The following PTPRM variants were observed in gnomAD, a reference collection of about 807,000 sequenced individuals.
PTPRM encodes protein tyrosine phosphatase receptor type M.
A neutral mutation model predicts 186.7 loss-of-function variants in PTPRM; 47 were observed. The observed-to-expected ratio is 0.25, with a 90% confidence interval of 0.20 to 0.32. The LOEUF (loss-of-function observed/expected upper bound fraction) is 0.32. PTPRM is among the 10% of genes least tolerant of loss of function. PTPRM has a pLI of 1.00. For missense variants in PTPRM, 1,494 were observed against 1,865.0 expected (o/e 0.80, Z 3.66); for synonymous variants, 668 against 674.9 (o/e 0.99, Z 0.16).
chr18:8,157,872 C>A (rs577483610), intron 14 of PTPRM, among the ~76,000 whole-genome samples: 1 of 152,308 alleles, frequency 6.6e-6, no homozygotes, highest in East Asian at 1.9e-4. Context: ...GGTCTGCCAC[C>A]TGGGGTGGGA....
Position 7,876,655 on chromosome 18 carries a change from C to G in PTPRM, c.197-11451C>G, listed in dbSNP as rs994492449. ...TGTCCTCCAGCAGTCTAGCCTGGACCTGCCCCCGTGGTAGTGAGCATGTTC... is the reference window on the plus strand; with the variant it reads ...TGTCCTCCAGCAGTCTAGCCTGGACGTGCCCCCGTGGTAGTGAGCATGTTC... On this transcript the variant is annotated intron_variant, in intron 2 of 32. Transcript: ENST00000580170. Among the ~76,000 whole-genome samples, 5 of 152,316 alleles carry G rather than the reference C, an allele frequency of 3.3e-5. No individual in the cohort carries two copies. In the South Asian group the frequency reaches 8.3e-4, roughly 25 times the overall value.
At chr18:7,839,775 C>T (rs1009173711) in intron 2 of PTPRM, among the ~76,000 whole-genome samples, 5 of 152,154 alleles carry the variant, frequency 3.3e-5, no homozygotes, top group Admixed American at 3.3e-4. Flanking sequence ...CTACGAGTTC[C>T]AGTCCTTGTG....
chr18:8,240,499 G>GAGGAAGGA (rs1300777583), intron 14 of PTPRM, among the ~76,000 whole-genome samples: 390 of 13,450 alleles, frequency 0.029, 14 homozygotes, highest in Middle Eastern at 0.17. Flanking sequence ...GAGAGAGAGA[G>GAGGAAGGA]AGGAAGGAAG....
intron 9 of PTPRM, among the ~76,000 whole-genome samples, chr18:8,082,748 C>G (rs761214328): frequency 1.3e-5 from 2 of 151,820 alleles, no homozygotes; most frequent in Non-Finnish European, 2.9e-5. Context: ...TGAATATCAT[C>G]TCAATGTTCA....
chr18:7,904,086 A>G (rs925657219), intron 3 of PTPRM, among the ~76,000 whole-genome samples: 4 of 152,174 alleles, frequency 2.6e-5, no homozygotes, highest in Non-Finnish European at 1.5e-5. Context: ...ATATCTTCCT[A>G]GTGTGTGTAA....
chr18:8,328,080 G>A (rs4798630), intron 22 of PTPRM, among the ~76,000 whole-genome samples: 141,041 of 152,262 alleles, frequency 0.93, 66,249 homozygotes, highest in East Asian at 1. Flanking sequence ...TTTGCTGTCA[G>A]TTTGTTTTTC....
rs534608903 is a variant in PTPRM, at chr18:8,261,964, A to G, written c.2754+8550A>G. 2.0e-5 allele frequency among the ~76,000 whole-genome samples: 3 copies of G among 152,332 alleles called. No homozygotes were observed. In the South Asian group the frequency reaches 6.2e-4, roughly 32 times the overall value. On this transcript the variant is annotated intron_variant, in intron 19 of 32. Transcript: ENST00000580170. ...CCTTCTTGGAGGACCTGGCCCAGAA[A>G]GGATAGTGAACGTGCCCGTGTGCCA...
At chr18:7,912,886 G>T (rs1207333921) in intron 4 of PTPRM, among the ~76,000 whole-genome samples, 2 of 152,144 alleles carry the variant, frequency 1.3e-5, no homozygotes, top group Non-Finnish European at 2.9e-5. Context: ...ATTCAGCTGG[G>T]ATATTGATAG....
intron 21 of PTPRM, 149 bp from the exon 22 acceptor site, chr18:8,319,029 A>G (rs545647684): frequency 6.6e-6 from 4 of 606,306 alleles, no homozygotes; most frequent in South Asian, 5.7e-5. Context: ...ATTAAGAGAA[A>G]CTCAGTGGTG....
chr18:7,679,852 C>G (rs561122532), intron 1 of PTPRM, among the ~76,000 whole-genome samples: 4 of 151,438 alleles, frequency 2.6e-5, no homozygotes, highest in African/African-American at 9.7e-5. Flanking sequence ...TGACAATAGA[C>G]TTTTTTTGAA....
intron 1 of PTPRM, among the ~76,000 whole-genome samples, chr18:7,698,252 T>G (rs902975179): frequency 3.3e-5 from 5 of 152,194 alleles, no homozygotes; most frequent in African/African-American, 1.2e-4. Context: ...CCACAGCTGC[T>G]ACTGAATATC....
intron 22 of PTPRM, among the ~76,000 whole-genome samples, chr18:8,335,507 TG>T: frequency 6.6e-6 from 1 of 152,238 alleles, no homozygotes; most frequent in Non-Finnish European, 1.5e-5. Flanking sequence ...CACATGTTTA[TG>T]TAAGTGTATT....
rs542954820 is a variant in PTPRM at position 8,341,724 on chromosome 18, G to A, written c.2957-1699G>A. Among the ~76,000 whole-genome samples the A allele has an allele frequency of 4.1e-4, 62 of 151,732 alleles. 1 individual carries two copies. In the South Asian group the frequency reaches 0.01, roughly 25 times the overall value. On this transcript the variant is annotated intron_variant, in intron 22 of 32. Transcript: ENST00000580170. ...TCAGGGGTCACATTGGGCTGTTTGC[G>A]CAAAGAAGGACTCACTGCTTCTTTT...
At chr18:8,341,973 TC>T (rs1212730521) in intron 22 of PTPRM, among the ~76,000 whole-genome samples, 2 of 152,158 alleles carry the variant, frequency 1.3e-5, no homozygotes, top group African/African-American at 2.4e-5. Context: ...GAGTGCATGG[TC>T]CCTTCCCCAA....
intron 1 of PTPRM, among the ~76,000 whole-genome samples, chr18:7,630,893 A>T (rs145222316): frequency 3.9e-5 from 6 of 152,246 alleles, no homozygotes; most frequent in African/African-American, 1.4e-4. Context: ...GCAGGCATAT[A>T]GTGTAGTGTC....
chr18:7,782,426 G>C (rs1178305890), intron 2 of PTPRM, among the ~76,000 whole-genome samples: 2 of 152,184 alleles, frequency 1.3e-5, no homozygotes, highest in Non-Finnish European at 2.9e-5. Flanking sequence ...TTTAAAAAAT[G>C]TAGTAGAATA....
At chr18:7,785,270 T>C (rs539857509) in intron 2 of PTPRM, among the ~76,000 whole-genome samples, 2 of 152,310 alleles carry the variant, frequency 1.3e-5, no homozygotes, top group Non-Finnish European at 2.9e-5. Context: ...TCAAAATTTC[T>C]GATAAGAGTG....
chr18:7,900,409 C>T (rs530906396), intron 3 of PTPRM, among the ~76,000 whole-genome samples: 22 of 152,204 alleles, frequency 1.4e-4, no homozygotes, highest in South Asian at 6.2e-4. Flanking sequence ...CAGATTTGGC[C>T]GTGGGCTGTA....
intron 1 of PTPRM, among the ~76,000 whole-genome samples, chr18:7,739,602 G>C (rs2040846125): frequency 6.6e-6 from 1 of 152,108 alleles, no homozygotes; most frequent in South Asian, 2.1e-4. Flanking sequence ...GATAAATGGG[G>C]AGTGGATACA....
Sources: allele counts gnomAD v4.1 joint callset (sites outside exome capture counted in the v4.1 genomes callset), GRCh38; gene constraint gnomAD v4.1.1; transcripts MANE v1.5; gene names NCBI Gene and HGNC (gene_info 2026-07-23, HGNC 2026-07-21).